The following LRRC7 variants were observed in gnomAD, a reference collection of about 807,000 sequenced individuals.
LRRC7 encodes the protein leucine rich repeat containing 7, also known as leucine-rich repeat-containing protein 7.
In LRRC7, 23 loss-of-function variants were observed where a neutral mutation model predicts 175.7. The ratio of observed to expected loss-of-function variants is 0.13; its 90% confidence interval spans 0.09 to 0.19. The LOEUF (loss-of-function observed/expected upper bound fraction) is 0.19, where lower values mean the gene tolerates loss of function less well. Ranked by LOEUF, LRRC7 falls within the 10% of genes least tolerant of loss-of-function variation. LRRC7 has a pLI of 1.00. For synonymous variants in LRRC7, 685 were observed against 680.9 expected, an observed-to-expected ratio of 1.01 and a Z score of -0.09; for missense variants, 1,354 against 1,904.7, an observed-to-expected ratio of 0.71 and a Z score of 5.38.
chr1:70,027,156 A>G (rs1658206155), intron 17 of LRRC7, among the ~76,000 whole-genome samples: 1 of 152,068 alleles, frequency 6.6e-6, no homozygotes, highest in South Asian at 2.1e-4. Context: ...CAATCACATA[A>G]ATCATTTCAT....
In LRRC7 at chr1:70,039,705, C is replaced by T. The variant is rs781096559; in HGVS notation, c.3881C>T (p.Pro1294Leu). ...DNSDLKTRPT[P>L]VKGEESCGKM... ...AGTGATTTAAAGACGAGGCCTACTC[C>T]TGTGAAGGGAGAGGAGAGCTGTGGT... The change falls in exon 21 of 27, where the codon CCT (proline) becomes CTT (leucine). Residue 1294 changes from proline (P) to leucine (L), a missense_variant. Physicochemically the swap from Pro to Leu is moderately conservative, Grantham distance 98. Transcript: ENST00000651989. The T allele has an allele frequency of 6.2e-7, 1 of 1,614,108 alleles. No homozygotes were observed. Among genetic ancestry groups the T allele is most frequent in the Non-Finnish European group, 8.5e-7 (1 of 1,179,994 alleles).
At chr1:69,864,759 A>G (rs775085201) in intron 7 of LRRC7, among the ~76,000 whole-genome samples, 13 of 152,170 alleles carry the variant, frequency 8.5e-5, no homozygotes, top group Non-Finnish European at 1.9e-4. Context: ...GTTACAAGTT[A>G]TTTGTCACTG....
chr1:69,793,400 A>C (rs1675349906), intron 4 of LRRC7, among the ~76,000 whole-genome samples: 1 of 152,080 alleles, frequency 6.6e-6, no homozygotes, highest in African/African-American at 2.4e-5. Flanking sequence ...TCTTGGTCAC[A>C]TGTAAATATA....
intron 7 of LRRC7, among the ~76,000 whole-genome samples, chr1:69,894,698 A>G (rs1220810272): frequency 1.3e-5 from 2 of 152,214 alleles, no homozygotes; most frequent in Non-Finnish European, 2.9e-5. Context: ...TTTTAAAAAC[A>G]TGGATGGACC....
chr1:69,836,597 T>G (rs1018561214), intron 6 of LRRC7, among the ~76,000 whole-genome samples: 1 of 151,996 alleles, frequency 6.6e-6, no homozygotes, highest in Non-Finnish European at 1.5e-5. Flanking sequence ...ATATGCTCTA[T>G]TTTATTATTA....
chr1:69,587,734 A>C (rs1203275067), intron 1 of LRRC7, among the ~76,000 whole-genome samples: 2 of 152,074 alleles, frequency 1.3e-5, no homozygotes. Context: ...GTTCTTGGAA[A>C]AGCTGATGGT....
chr1:69,905,424 C>G (rs1295612118), intron 7 of LRRC7, among the ~76,000 whole-genome samples: 2 of 152,244 alleles, frequency 1.3e-5, no homozygotes, highest in South Asian at 4.1e-4. Flanking sequence ...CACCCCACAA[C>G]AGTCCCCAGA....
At chr1:70,037,146 A>G (rs1314278589) in intron 20 of LRRC7, among the ~76,000 whole-genome samples, 1 of 152,218 alleles carries the variant, frequency 6.6e-6, no homozygotes, top group Non-Finnish European at 1.5e-5. Flanking sequence ...CAAAAACCAC[A>G]CACAGAGCAC....
intron 1 of LRRC7, among the ~76,000 whole-genome samples, chr1:69,576,833 A>C (rs1645970915): frequency 6.6e-6 from 1 of 152,192 alleles, no homozygotes; most frequent in Non-Finnish European, 1.5e-5. Flanking sequence ...ACACCATTTT[A>C]CATGACAAAA....
intron 25 of LRRC7, among the ~76,000 whole-genome samples, chr1:70,099,001 A>G (rs951800615): frequency 5.3e-5 from 8 of 152,006 alleles, no homozygotes; most frequent in African/African-American, 1.2e-4. Flanking sequence ...TACCAAAGCC[A>G]GGCAGAGACA....
chr1:69,899,726 G>A (rs1646080868), intron 7 of LRRC7, among the ~76,000 whole-genome samples: 1 of 152,216 alleles, frequency 6.6e-6, no homozygotes, highest in Non-Finnish European at 1.5e-5. Flanking sequence ...GCTTTTAAGA[G>A]GTGATTAGGC....
chr1:69,584,818 A>G (rs1213931729), intron 1 of LRRC7, among the ~76,000 whole-genome samples: 1 of 152,102 alleles, frequency 6.6e-6, no homozygotes, highest in Admixed American at 6.6e-5. Flanking sequence ...TCACTTCCTC[A>G]GTGTCCACAA....
chr1:69,581,212 A>G (rs1439458236), intron 1 of LRRC7, among the ~76,000 whole-genome samples: 2 of 152,194 alleles, frequency 1.3e-5, no homozygotes, highest in Non-Finnish European at 2.9e-5. Context: ...ATTGATTGAC[A>G]TTTTTAAATG....
chr1:70,038,257 T>C lies in LRRC7; in HGVS notation c.2433T>C (p.His811=), dbSNP rs150148742. 2.5e-6 allele frequency: 4 copies of C among 1,614,004 alleles called. No homozygotes were observed. The African/African-American group carries it at 4.0e-5, about 16-fold the overall frequency. ...CTGACAACTGGACTGATGGCTCGCA[T>C]TATGACAACACAGGGTTTGTTGCTG... ...TFTDNWTDGS[H]YDNTGFVAEE... The change falls in exon 21 of 27, where the codon CAT becomes CAC. Residue 811 remains histidine, a synonymous_variant. Coordinates refer to ENST00000651989, the MANE Select transcript of LRRC7 (RefSeq NM_001370785.2).
At chr1:69,923,863 A>G (rs1166965312) in intron 7 of LRRC7, among the ~76,000 whole-genome samples, 1 of 152,034 alleles carries the variant, frequency 6.6e-6, no homozygotes, top group Non-Finnish European at 1.5e-5. Context: ...TGTTTTAGAC[A>G]TGAAGTCCTT....
In LRRC7 at chr1:70,021,136, C is replaced by T. The variant is rs779908111; in HGVS notation, c.1545+7C>T. The T allele has an allele frequency of 1.2e-6, 2 of 1,606,018 alleles. No individual in the cohort carries two copies. The highest frequency in any genetic ancestry group is 1.1e-5 in the South Asian group (1 of 89,976). Reference sequence around the variant, plus strand: ...AAATGCTGGGAAAGTTAAGGTGAACCTTTTAGCTTTTGTTTCCTCTTTCTT... The same window carrying T: ...AAATGCTGGGAAAGTTAAGGTGAACTTTTTAGCTTTTGTTTCCTCTTTCTT... On this transcript the variant is annotated splice_region_variant and intron_variant, in intron 16 of 26. Coordinates refer to ENST00000651989, the MANE Select transcript of LRRC7 (RefSeq NM_001370785.2).
chr1:70,091,522 T>TA (rs1319414560), intron 25 of LRRC7, among the ~76,000 whole-genome samples: 2 of 152,182 alleles, frequency 1.3e-5, no homozygotes, highest in East Asian at 1.9e-4. Flanking sequence ...AGGTACAGGG[T>TA]AAAAAAATAT....
chr1:70,028,667 T>A (rs1419088234), intron 18 of LRRC7, among the ~76,000 whole-genome samples: 2 of 152,136 alleles, frequency 1.3e-5, no homozygotes, highest in Non-Finnish European at 2.9e-5. Context: ...TGACATTATT[T>A]TGGCTACCCC....
At chr1:69,965,815 G>C (rs940913354) in intron 8 of LRRC7, among the ~76,000 whole-genome samples, 2 of 152,082 alleles carry the variant, frequency 1.3e-5, no homozygotes, top group African/African-American at 4.8e-5. Flanking sequence ...TACAAGTAGG[G>C]TTGTCATCAA....
Sources: allele counts gnomAD v4.1 joint callset (sites outside exome capture counted in the v4.1 genomes callset), GRCh38; gene constraint gnomAD v4.1.1; transcripts MANE v1.5; gene names NCBI Gene and HGNC (gene_info 2026-07-23, HGNC 2026-07-21).